OPCML: variants seen among roughly 807,000 people sequenced by gnomAD.
OPCML encodes opioid-binding protein/cell adhesion molecule.
OPCML carries 13 observed loss-of-function variants against 37.8 expected under a neutral mutation model. The observed-to-expected ratio is 0.34, with a 90% CI of 0.22 to 0.55. The LOEUF is 0.55. Ranked by LOEUF, OPCML falls within the 20% of genes least tolerant of loss-of-function variation. The pLI, the probability that OPCML is intolerant of heterozygous loss-of-function variation, is 0.91. For missense variants in OPCML, 341 were observed against 435.6 expected (o/e 0.78, Z 1.93); for synonymous variants, 176 against 168.8 (o/e 1.04, Z -0.33).
chr11:133,136,416 G>A (rs1949691104), intron 1 of OPCML, among the ~76,000 whole-genome samples: 2 of 152,136 alleles, frequency 1.3e-5, no homozygotes, highest in Non-Finnish European at 2.9e-5. Context: ...TGCAAGCACT[G>A]CAGAGACAGA....
chr11:133,311,102 C>T (rs941036847), intron 1 of OPCML, among the ~76,000 whole-genome samples: 2 of 152,170 alleles, frequency 1.3e-5, no homozygotes, highest in Non-Finnish European at 2.9e-5. Flanking sequence ...ACTCAGAATC[C>T]TGTTTCATCA....
chr11:133,364,036 C>T (rs761625901), intron 1 of OPCML, among the ~76,000 whole-genome samples: 1 of 152,190 alleles, frequency 6.6e-6, no homozygotes, highest in Admixed American at 6.5e-5. Context: ...CTACTCCTCC[C>T]GCTTCTCAGA....
intron 1 of OPCML, among the ~76,000 whole-genome samples, chr11:133,451,648 G>T (rs574716359): frequency 1.3e-5 from 2 of 151,418 alleles, no homozygotes; most frequent in Non-Finnish European, 2.9e-5. Flanking sequence ...TTTGACACCA[G>T]CCTGGCCAAA....
chr11:132,656,767 T>C (rs903514019), intron 3 of OPCML, among the ~76,000 whole-genome samples: 26 of 152,228 alleles, frequency 1.7e-4, no homozygotes, highest in African/African-American at 5.8e-4. Flanking sequence ...AGTAGTACTG[T>C]ATTTATCTAT....
intron 2 of OPCML, among the ~76,000 whole-genome samples, chr11:132,755,352 T>C (rs1001685616): frequency 6.6e-6 from 1 of 152,220 alleles, no homozygotes; most frequent in Non-Finnish European, 1.5e-5. Context: ...TCATGCTTAA[T>C]ATAATCAACA....
intron 1 of OPCML, among the ~76,000 whole-genome samples, chr11:133,250,511 A>AGAGGGAGGGAAGGGAGGGAGG: frequency 1.0e-5 from 1 of 100,274 alleles, no homozygotes; most frequent in Non-Finnish European, 1.9e-5. Context: ...AGGGAGGGAG[A>AGAGGGAGGGAAGGGAGGGAGG]GAGGGAGGGA....
intron 1 of OPCML, among the ~76,000 whole-genome samples, chr11:133,028,789 A>G (rs548002619): frequency 8.5e-5 from 13 of 152,202 alleles, no homozygotes; most frequent in African/African-American, 2.9e-4. Context: ...TCTTCCAGAC[A>G]TTGGCCTAGA....
intron 1 of OPCML, among the ~76,000 whole-genome samples, chr11:133,386,867 C>T (rs140179923): frequency 2.7e-4 from 41 of 152,296 alleles, no homozygotes; most frequent in African/African-American, 9.6e-4. Context: ...CACGGTGACA[C>T]TTAGGGGTGT....
At chr11:133,005,835 C>G (rs10750521) in intron 1 of OPCML, 294,732 of 983,004 alleles carry the variant, frequency 0.3, 45,047 homozygotes, top group African/African-American at 0.43. Flanking sequence ...AGAGGCTGCT[C>G]TTTGCTGCCT....
chr11:132,979,815 T>C (rs1946545018), intron 1 of OPCML, among the ~76,000 whole-genome samples: 1 of 152,064 alleles, frequency 6.6e-6, no homozygotes, highest in African/African-American at 2.4e-5. Context: ...GAGAGCAGCT[T>C]GTAAGAGACT....
At chr11:133,026,497 G>A in intron 1 of OPCML, 1 of 985,398 alleles carries the variant, frequency 1.0e-6, no homozygotes, top group Non-Finnish European at 1.2e-6. Context: ...AGTAGGTTTT[G>A]TCCTGCTGGC....
rs140855371 is a variant in OPCML at position 133,053,189 on chromosome 11, T to C, written c.62-110179A>G. Among the ~76,000 whole-genome samples the C allele has an allele frequency of 7.9e-5, 12 of 152,348 alleles. No homozygotes were observed. The East Asian group carries it at 2.3e-3, about 29-fold the overall frequency. On this transcript the variant is annotated intron_variant, in intron 1 of 7. Transcript: ENST00000524381. ...AGTTCTTTCACCTCTACACTGGTGA[T>C]AATGTCAGAGCCTTCTTTCTAGGTT...
At chr11:132,987,504 G>A (rs961867382) in intron 1 of OPCML, among the ~76,000 whole-genome samples, 23 of 152,188 alleles carry the variant, frequency 1.5e-4, no homozygotes, top group Non-Finnish European at 1.6e-4. Flanking sequence ...GCCCCATTGC[G>A]AGAGAGTTTG....
chr11:133,089,398 G>A (rs1948870314), intron 1 of OPCML, among the ~76,000 whole-genome samples: 2 of 152,136 alleles, frequency 1.3e-5, no homozygotes, highest in Admixed American at 1.3e-4. Context: ...AAAATTACAA[G>A]TATTTATTCT....
chr11:133,040,264 C>T (rs949589971), intron 1 of OPCML, among the ~76,000 whole-genome samples: 22 of 152,172 alleles, frequency 1.4e-4, no homozygotes, highest in African/African-American at 4.6e-4. Flanking sequence ...TCCCACTGCA[C>T]GACTGAGCTA....
chr11:133,201,305 C>CTTTTTT (rs71477789), intron 1 of OPCML, among the ~76,000 whole-genome samples: 10 of 147,806 alleles, frequency 6.8e-5, no homozygotes, highest in Admixed American at 2.0e-4. Flanking sequence ...ACAATGCATG[C>CTTTTTT]TTTTTTTTTT....
chr11:133,289,306 A>C (rs1230955040), intron 1 of OPCML, among the ~76,000 whole-genome samples: 1 of 152,198 alleles, frequency 6.6e-6, no homozygotes, highest in Non-Finnish European at 1.5e-5. Context: ...TAAAATTGAC[A>C]TATTAGTGGC....
At chr11:132,466,467 C>G (rs138548173) in intron 4 of OPCML, among the ~76,000 whole-genome samples, 1,743 of 147,078 alleles carry the variant, frequency 0.012, 28 homozygotes, top group African/African-American at 0.038. Flanking sequence ...CTGGGCGACA[C>G]AGCGAGACTC....
At chr11:132,585,501 C>G (rs2096470703) in intron 3 of OPCML, among the ~76,000 whole-genome samples, 1 of 152,178 alleles carries the variant, frequency 6.6e-6, no homozygotes, top group Admixed American at 6.5e-5. Context: ...TTGGCTTTCT[C>G]TGGCCTATCA....
Sources: allele counts gnomAD v4.1 joint callset (sites outside exome capture counted in the v4.1 genomes callset), GRCh38; gene constraint gnomAD v4.1.1; transcripts MANE v1.5; gene names NCBI Gene and HGNC (gene_info 2026-07-23, HGNC 2026-07-21).